Variants in DENND1B observed in about 807,000 individuals in gnomAD.
DENND1B encodes the protein DENN domain-containing protein 1B.
Under a neutral mutation model 90.1 loss-of-function variants are expected in DENND1B, and 59 were observed. The ratio of observed to expected loss-of-function variants is 0.65; its 90% CI spans 0.53 to 0.81. The LOEUF (loss-of-function observed/expected upper bound fraction) is 0.81. DENND1B is among the 40% of genes least tolerant of loss of function. The pLI is 0.00. For missense variants in DENND1B, 862 were observed against 912.6 expected (o/e 0.94, Z 0.71); for synonymous variants, 337 against 324.6 (o/e 1.04, Z -0.41).
At chr1:197,546,066 T>C (rs1670794687) in intron 17 of DENND1B, 76 bp from the exon 18 acceptor site, 2 of 1,247,698 alleles carry the variant, frequency 1.6e-6, no homozygotes, top group African/African-American at 1.5e-5. Flanking sequence ...TTACAGTAAG[T>C]TGCATATTTA....
chr1:197,583,581 T>A (rs1417624006), intron 14 of DENND1B, among the ~76,000 whole-genome samples: 1 of 152,198 alleles, frequency 6.6e-6, no homozygotes, highest in Non-Finnish European at 1.5e-5. Context: ...AAATATCACA[T>A]AATTTTATTG....
chr1:197,628,717 A>AG (rs1450714648), intron 10 of DENND1B, among the ~76,000 whole-genome samples: 1 of 152,168 alleles, frequency 6.6e-6, no homozygotes, highest in African/African-American at 2.4e-5. Context: ...AGCAAAAAAA[A>AG]CTACCATCAG....
At chr1:197,762,526 T>C (rs891357515) in intron 2 of DENND1B, among the ~76,000 whole-genome samples, 1 of 152,212 alleles carries the variant, frequency 6.6e-6, no homozygotes, top group African/African-American at 2.4e-5. Flanking sequence ...TTAACGCATC[T>C]ATCATCTCAC....
intron 6 of DENND1B, among the ~76,000 whole-genome samples, chr1:197,657,812 G>C (rs1654002443): frequency 6.6e-6 from 1 of 152,112 alleles, no homozygotes; most frequent in African/African-American, 2.4e-5. Flanking sequence ...CATTTTCATA[G>C]CTATATTATT....
At chr1:197,587,576 A>AT (rs1364772105) in intron 14 of DENND1B, among the ~76,000 whole-genome samples, 1 of 152,154 alleles carries the variant, frequency 6.6e-6, no homozygotes, top group Non-Finnish European at 1.5e-5. Context: ...TTATTTTCAT[A>AT]TATCTTATCT....
At chr1:197,750,603 T>C (rs139956877) in intron 2 of DENND1B, among the ~76,000 whole-genome samples, 5 of 151,532 alleles carry the variant, frequency 3.3e-5, no homozygotes, top group Admixed American at 6.6e-5. Flanking sequence ...GATAGATAGA[T>C]AGATAGATAA....
intron 14 of DENND1B, among the ~76,000 whole-genome samples, chr1:197,585,843 T>C (rs900799482): frequency 4.6e-5 from 7 of 152,196 alleles, no homozygotes; most frequent in Non-Finnish European, 8.8e-5. Flanking sequence ...AAGGCATATG[T>C]TATGAAAGAG....
chr1:197,704,177 G>A (rs1558422930), intron 3 of DENND1B, among the ~76,000 whole-genome samples: 1 of 152,138 alleles, frequency 6.6e-6, no homozygotes, highest in Non-Finnish European at 1.5e-5. Flanking sequence ...GTTGAGATGG[G>A]AGGATCGCTT....
chr1:197,754,800 G>A (rs865804186), intron 2 of DENND1B, among the ~76,000 whole-genome samples: 20 of 151,756 alleles, frequency 1.3e-4, no homozygotes, highest in Middle Eastern at 3.5e-3. Context: ...TACGGAAAAT[G>A]CATATTCATG....
intron 2 of DENND1B, among the ~76,000 whole-genome samples, chr1:197,770,882 G>A (rs140893819): frequency 0.015 from 2,001 of 134,496 alleles, 50 homozygotes; most frequent in African/African-American, 0.049. Flanking sequence ...ATAAATATAT[G>A]TATCTATAAA....
chr1:197,519,845 G>A (rs1025818513), intron 20 of DENND1B, among the ~76,000 whole-genome samples: 6 of 151,786 alleles, frequency 4.0e-5, no homozygotes, highest in African/African-American at 1.2e-4. Flanking sequence ...GGCTTATGTT[G>A]GTACATGGGA....
At position 197,608,009 on chromosome 1, in the gene DENND1B, C is replaced by T. The variant is rs75068544; in HGVS notation, c.820-835G>A. Among the ~76,000 whole-genome samples, 106 of 150,628 alleles carry T rather than the reference C, an allele frequency of 7.0e-4. No homozygotes were observed. In the East Asian group the frequency reaches 0.02, roughly 29 times the overall value. The stretch of plus-strand genomic sequence containing the variant: ...TTAATAAGTGCTCATTAATTAAATA[C>T]ATTCATGAACTCTGAATTTCATAAT... On this transcript the variant is annotated intron_variant, in intron 12 of 22. Transcript: ENST00000620048.
At chr1:197,566,406 A>G (rs924391360) in intron 15 of DENND1B, among the ~76,000 whole-genome samples, 1 of 151,912 alleles carries the variant, frequency 6.6e-6, no homozygotes, top group East Asian at 1.9e-4. Flanking sequence ...TGTCAGATGA[A>G]TAGGTTGCAA....
chr1:197,691,794 T>C (rs1401595551), intron 3 of DENND1B, among the ~76,000 whole-genome samples: 1 of 151,518 alleles, frequency 6.6e-6, no homozygotes, highest in African/African-American at 2.4e-5. Context: ...AGAAAGAAAA[T>C]CCTGTCATTT....
Position 197,754,644 on chromosome 1 carries a change from T to C in DENND1B, c.82+18224A>G, listed in dbSNP as rs1209628877. Among the ~76,000 whole-genome samples the C allele has an allele frequency of 9.5e-5, 10 of 104,716 alleles. No individual in the cohort carries two copies. The East Asian group carries it at 2.2e-3, about 23-fold the overall frequency. The allele number at this position is 104,716 out of a possible 152,430, so 68.7% of individuals were successfully genotyped here. On this transcript the variant is annotated intron_variant, in intron 2 of 22. Coordinates refer to ENST00000620048, the MANE Select transcript of DENND1B (RefSeq NM_001195215.2). Reference sequence around the variant, plus strand: ...CGCCGCACTCTAGCCTGGGCAACAATGCGAGACTCTGTCTCAAAAAAAAAA... The same window carrying C: ...CGCCGCACTCTAGCCTGGGCAACAACGCGAGACTCTGTCTCAAAAAAAAAA...
intron 15 of DENND1B, among the ~76,000 whole-genome samples, chr1:197,556,191 A>G (rs1210963471): frequency 6.6e-6 from 1 of 151,964 alleles, no homozygotes; most frequent in African/African-American, 2.4e-5. Flanking sequence ...TAAACACTGG[A>G]GAGTCCAAAT....
chr1:197,511,006 C>A (rs760678734), intron 22 of DENND1B, 34 bp from the exon 23 acceptor site: 1 of 1,466,840 alleles, frequency 6.8e-7, no homozygotes, highest in Admixed American at 2.5e-5. Context: ...ACTCAGAAAA[C>A]TTTTAATAAG....
intron 2 of DENND1B, among the ~76,000 whole-genome samples, chr1:197,740,386 C>T (rs1023978283): frequency 6.6e-6 from 1 of 151,910 alleles, no homozygotes; most frequent in East Asian, 1.9e-4. Flanking sequence ...CCTGGCAAGT[C>T]TTTTATTTGA....
chr1:197,738,819 C>A (rs1240486049), intron 2 of DENND1B, among the ~76,000 whole-genome samples: 1 of 152,110 alleles, frequency 6.6e-6, no homozygotes, highest in East Asian at 1.9e-4. Context: ...GGACAGTGAT[C>A]CCTGACAGAG....
Sources: allele counts gnomAD v4.1 joint callset (sites outside exome capture counted in the v4.1 genomes callset), GRCh38; gene constraint gnomAD v4.1.1; transcripts MANE v1.5; gene names NCBI Gene and HGNC (gene_info 2026-07-23, HGNC 2026-07-21).